Variants in SASH1 observed in about 807,000 individuals in gnomAD.
SASH1 encodes SAM and SH3 domain-containing protein 1.
A neutral mutation model predicts 125.2 loss-of-function variants in SASH1; 44 were observed. The observed-to-expected ratio is 0.35, with a 90% confidence interval of 0.28 to 0.45. SASH1 has a LOEUF of 0.45. Ranked by LOEUF, SASH1 falls within the 20% of genes least tolerant of loss-of-function variation. The probability of loss-of-function intolerance (pLI) is 1.00; values close to 1 mark genes in which losing one functional copy is unlikely to be tolerated. For synonymous variants in SASH1, 639 were observed against 649.1 expected, an observed-to-expected ratio of 0.98 and a Z score of 0.24; for missense variants, 1,426 against 1,614.5, an observed-to-expected ratio of 0.88 and a Z score of 2.00.
rs139369529 is a variant in SASH1 at position 148,544,216 on chromosome 6, G to A, written c.2746G>A (p.Ala916Thr). 62 of 1,614,026 alleles carry A rather than the reference G, an allele frequency of 3.8e-5. No homozygotes were observed. Among genetic ancestry groups the A allele is most frequent in the African/African-American group, 2.1e-4 (16 of 74,922 alleles). The change falls in exon 18 of 20, where the codon GCA (alanine) becomes ACA (threonine). Residue 916 changes from alanine (A) to threonine (T), a missense_variant. Ala to Thr is a moderately conservative substitution (Grantham distance 58, BLOSUM62 0). This residue lies in a region of SASH1 where 634 missense variants were observed against 694.4 expected (regional missense o/e 0.91). Coordinates refer to ENST00000367467, the MANE Select transcript of SASH1 (RefSeq NM_015278.5). The surrounding 1 kb of genome is among the most constrained non-coding windows in gnomAD (Gnocchi z 6.4). ...LTTKKLEGSI[A>T]ASGRGLSPPQ... ...AACTAAGAAACTGGAGGGCTCAATC[G>A]CAGCCTCTGGTCGCGGCCTGTCACC...
chr6:148,373,640 G>T (rs1217070536), intron 1 of SASH1, among the ~76,000 whole-genome samples: 1 of 152,150 alleles, frequency 6.6e-6, no homozygotes, highest in Admixed American at 6.5e-5. Context: ...TGAGGGTACA[G>T]TGGGGAGCCC....
intron 16 of SASH1, among the ~76,000 whole-genome samples, chr6:148,538,778 T>TTTTC (rs1782035746): frequency 6.6e-6 from 1 of 152,290 alleles, no homozygotes; most frequent in South Asian, 2.1e-4. Context: ...TGATTTCTTT[T>TTTTC]TTTCTTTGTG....
intron 1 of SASH1, among the ~76,000 whole-genome samples, chr6:148,366,854 C>G (rs1782480359): frequency 6.6e-6 from 1 of 152,010 alleles, no homozygotes; most frequent in Admixed American, 6.6e-5. Context: ...GTCTGCCTCC[C>G]AAAGTGCTGG....
At chr6:148,256,746 T>C in the SASH1 span, among the ~76,000 whole-genome samples, 1 of 152,218 alleles carries the variant, frequency 6.6e-6, no homozygotes, top group African/African-American at 2.4e-5. Context: ...CTATAATTGT[T>C]CTGCATCTTG....
chr6:148,332,954 T>C (rs1326700083), intron 1 of SASH1, among the ~76,000 whole-genome samples: 2 of 152,108 alleles, frequency 1.3e-5, no homozygotes, highest in African/African-American at 4.8e-5. Context: ...GGCACTGCAC[T>C]CCAGGCTAGG....
intron 1 of SASH1, among the ~76,000 whole-genome samples, chr6:148,354,187 AAAAG>A (rs1351433075): frequency 6.6e-6 from 1 of 152,166 alleles, no homozygotes; most frequent in African/African-American, 2.4e-5. Context: ...AACAGAACAA[AAAAG>A]AAAGAAAAAA....
At chr6:148,214,339 C>T in the SASH1 span, among the ~76,000 whole-genome samples, 3 of 152,204 alleles carry the variant, frequency 2.0e-5, no homozygotes, top group African/African-American at 7.2e-5. Context: ...TGAAATGATA[C>T]ATGCAGTTGA....
At chr6:148,505,950 T>C (rs111850735) in intron 8 of SASH1, among the ~76,000 whole-genome samples, 55,761 of 150,746 alleles carry the variant, frequency 0.37, 10,895 homozygotes, top group Middle Eastern at 0.45. Context: ...TCTGTATTTT[T>C]AGTAGAGACG....
chr6:148,245,214 A>G, the SASH1 span, among the ~76,000 whole-genome samples: 2 of 152,196 alleles, frequency 1.3e-5, no homozygotes, highest in Non-Finnish European at 1.5e-5. Context: ...CTCGACACAA[A>G]CACGGTTCCC....
chr6:148,255,743 G>C, the SASH1 span, among the ~76,000 whole-genome samples: 1 of 152,012 alleles, frequency 6.6e-6, no homozygotes, highest in Non-Finnish European at 1.5e-5. Flanking sequence ...CCTAGGCTCA[G>C]GTGATTCTCC....
At chr6:148,258,596 T>C in the SASH1 span, among the ~76,000 whole-genome samples, 6 of 152,148 alleles carry the variant, frequency 3.9e-5, no homozygotes, top group African/African-American at 1.4e-4. Flanking sequence ...ATGTAAAAAT[T>C]ACTGTCTCAG....
the SASH1 span, among the ~76,000 whole-genome samples, chr6:148,208,020 A>T: frequency 6.6e-6 from 1 of 152,290 alleles, no homozygotes; most frequent in Non-Finnish European, 1.5e-5. Context: ...AATGGCACAC[A>T]TTTGTGGAGC....
chr6:148,208,509 G>A, the SASH1 span, among the ~76,000 whole-genome samples: 1 of 152,046 alleles, frequency 6.6e-6, no homozygotes, highest in Admixed American at 6.5e-5. Context: ...AAACCTCCTA[G>A]GAGGTTAAGC....
chr6:148,456,322 C>T (rs1777343265), intron 4 of SASH1, among the ~76,000 whole-genome samples: 1 of 152,196 alleles, frequency 6.6e-6, no homozygotes, highest in African/African-American at 2.4e-5. Flanking sequence ...TCAGTGACCC[C>T]ATCTCCATAC....
chr6:148,403,478 T>G (rs1274773566), intron 2 of SASH1, among the ~76,000 whole-genome samples: 1 of 152,144 alleles, frequency 6.6e-6, no homozygotes, highest in Non-Finnish European at 1.5e-5. Context: ...CACAGTAGAA[T>G]TGTAACGTCT....
intron 1 of SASH1, among the ~76,000 whole-genome samples, chr6:148,334,179 C>T (rs1781079537): frequency 2.8e-5 from 4 of 142,460 alleles, no homozygotes; most frequent in Admixed American, 2.8e-4. Flanking sequence ...AATCCCAGCA[C>T]TTTGGGAGGC....
chr6:148,487,112 C>CAT (rs370037960), intron 7 of SASH1, among the ~76,000 whole-genome samples: 2,554 of 120,592 alleles, frequency 0.021, 104 homozygotes, highest in African/African-American at 0.063. Flanking sequence ...CACACACACA[C>CAT]ATATATATAT....
rs180790561 is a variant in SASH1, at chr6:148,543,149, A to G, written c.2210-531A>G. 3.9e-5 allele frequency among the ~76,000 whole-genome samples: 6 copies of G among 152,308 alleles called. No homozygotes were observed. The East Asian group carries it at 5.8e-4, about 15-fold the overall frequency. Reference sequence around the variant, plus strand: ...CACAAAAGTTTACCTGTCTGTGTCCAGGTTGGTTGATTGCTTCTAGGATAA... The same window carrying G: ...CACAAAAGTTTACCTGTCTGTGTCCGGGTTGGTTGATTGCTTCTAGGATAA... On this transcript the variant is annotated intron_variant, in intron 17 of 19. Coordinates refer to ENST00000367467, the MANE Select transcript of SASH1 (RefSeq NM_015278.5).
chr6:148,324,666 T>A (rs995072435), intron 1 of SASH1, among the ~76,000 whole-genome samples: 15 of 152,218 alleles, frequency 9.9e-5, no homozygotes, highest in Admixed American at 2.0e-4. Flanking sequence ...TTAAGATACA[T>A]AGATGGCTTG....
Sources: allele counts gnomAD v4.1 joint callset (sites outside exome capture counted in the v4.1 genomes callset), GRCh38; gene constraint gnomAD v4.1.1; regional missense constraint gnomAD v4.1.1; non-coding constraint Gnocchi (gnomAD v3.1); transcripts MANE v1.5; gene names NCBI Gene and HGNC (gene_info 2026-07-23, HGNC 2026-07-21).